NFYB: variants seen among roughly 807,000 people sequenced by gnomAD.
NFYB encodes the protein CAAT box DNA-binding protein subunit B.
In NFYB, 13 loss-of-function variants were observed where a neutral mutation model predicts 28.0. That is an observed-to-expected ratio of 0.46 (90% CI 0.30 to 0.74). The LOEUF is 0.74. NFYB is among the 30% of genes least tolerant of loss of function. NFYB has a pLI of 0.07. For synonymous variants in NFYB, 74 were observed against 75.0 expected, an observed-to-expected ratio of 0.99 and a Z score of 0.07; for missense variants, 142 against 247.6, an observed-to-expected ratio of 0.57 and a Z score of 2.86.
intron 1 of NFYB, chr12:104,137,672 G>A (rs2031159781): frequency 6.7e-6 from 1 of 149,430 alleles, no homozygotes; most frequent in African/African-American, 2.4e-5. Flanking sequence ...CCACAGCCCC[G>A]CGGGCGGGAG....
rs2030815157 is a variant in NFYB, at chr12:104,128,696, T to A, written c.7-179A>T. 3 of 322,724 alleles carry A rather than the reference T, an allele frequency of 9.3e-6. No individual in the cohort carries two copies. In the South Asian group the frequency reaches 1.1e-4, roughly 12 times the overall value. 20.0% of individuals were successfully genotyped at this position (322,724 alleles called of 1,614,324 possible). ...TTAATTATTTTTTTGAGACAGGGTC[T>A]TACTCTGTGGCCCAGGCTGGAGTGC... On this transcript the variant is annotated intron_variant, in intron 2 of 7. Transcript: ENST00000240055.
Position 104,126,206 on chromosome 12 carries a change from C to T in NFYB, c.139G>A (p.Gly47Ser). ...DSMNDHEDTN[G>S]SKESFREQDI... ...TGTTCTCTGAAACTTTCTTTTGAAC[C>T]ATTTGTGTCTTCATGATCATTCATG... The change falls in exon 4 of 8, where the codon GGT (glycine) becomes AGT (serine). Residue 47 changes from glycine to serine, a missense_variant. Physicochemically the swap from Gly to Ser is moderately conservative, Grantham distance 56. Coordinates refer to ENST00000240055, the MANE Select transcript of NFYB (RefSeq NM_006166.4). The T allele has an allele frequency of 6.2e-7, 1 of 1,603,810 alleles. No individual in the cohort carries two copies. The highest frequency in any genetic ancestry group is 8.5e-7 in the Non-Finnish European group (1 of 1,175,516).
In NFYB at chr12:104,138,183, T is replaced by G. The variant is rs1354826243; in HGVS notation, c.-122A>C. 2 of 148,546 alleles carry G rather than the reference T, an allele frequency of 1.3e-5. No homozygotes were observed. The highest frequency in any genetic ancestry group is 4.9e-5 in the African/African-American group (2 of 41,180). The allele number at this position is 148,546 out of a possible 1,614,324, so 9.2% of individuals were successfully genotyped here. A position where few individuals can be genotyped will look rare whatever the true frequency, so the allele number is the denominator to read the frequency against. ...TTGGCTCCCGTCTCCAATCGGCTGT[T>G]TGGTTGGACAGAAAATGGCTGCGAA... On this transcript the variant is annotated 5_prime_UTR_variant, in exon 1 of 8. Coordinates refer to ENST00000240055, the MANE Select transcript of NFYB (RefSeq NM_006166.4).
intron 3 of NFYB, among the ~76,000 whole-genome samples, chr12:104,127,663 CTTTTTTTTTTTT>C (rs71069719): frequency 1.1e-5 from 1 of 92,880 alleles, no homozygotes; most frequent in Non-Finnish European, 2.0e-5. Flanking sequence ...ATAACACTGC[CTTTTTTTTTTTT>C]TTTTTTTTTG....
At chr12:104,131,622 A>G in intron 2 of NFYB, 2 of 391,476 alleles carry the variant, frequency 5.1e-6, no homozygotes, top group East Asian at 7.2e-5. Context: ...AGAATGATGG[A>G]AAAAAACTTG....
rs1593626845 is a variant in NFYB, at chr12:104,123,102, G to C, written c.429+124C>G. The C allele has an allele frequency of 4.3e-6, 3 of 691,856 alleles. No individual in the cohort carries two copies. The East Asian group carries it at 8.3e-5, about 19-fold the overall frequency. 42.9% of individuals were successfully genotyped at this position (691,856 alleles called of 1,614,324 possible). ...GAGGCAGGAGAGTTGCTTGAACCCA[G>C]GAGGCAGAGGTTGCAGTGAGCCGAG... On this transcript the variant is annotated intron_variant, in intron 5 of 7. Coordinates refer to ENST00000240055, the MANE Select transcript of NFYB (RefSeq NM_006166.4).
intron 1 of NFYB, 90 bp downstream of exon 1, chr12:104,138,051 C>A (rs2031191095): frequency 6.9e-6 from 1 of 145,052 alleles, no homozygotes; most frequent in Admixed American, 6.9e-5. Context: ...GCGTTGGCGG[C>A]GGGGACGGCG....
At chr12:104,132,462 CA>C (rs1386731561) in intron 2 of NFYB, among the ~76,000 whole-genome samples, 2 of 151,942 alleles carry the variant, frequency 1.3e-5, no homozygotes, top group African/African-American at 4.8e-5. Flanking sequence ...GAGGGGAGCA[CA>C]AATAGGCACA....
intron 1 of NFYB, among the ~76,000 whole-genome samples, chr12:104,137,078 T>C (rs190599220): frequency 3.7e-4 from 57 of 152,318 alleles, no homozygotes; most frequent in Admixed American, 3.7e-3. Context: ...TTCATCACTT[T>C]ATGTTGCTGA....
intron 1 of NFYB, chr12:104,137,867 G>C (rs992169791): frequency 1.4e-5 from 2 of 146,848 alleles, no homozygotes; most frequent in Non-Finnish European, 3.0e-5. Flanking sequence ...ACGGCGGCGA[G>C]GGTGAGGTGG....
intron 2 of NFYB, 147 bp from the exon 3 acceptor site, chr12:104,128,664 T>A (rs2030813963): frequency 2.2e-6 from 1 of 455,226 alleles, no homozygotes; most frequent in South Asian, 3.3e-5. Context: ...ATTTCTTTTT[T>A]AAAAAATTAA....
At chr12:104,128,829 C>T (rs182821279) in intron 2 of NFYB, among the ~76,000 whole-genome samples, 31 of 151,990 alleles carry the variant, frequency 2.0e-4, no homozygotes, top group South Asian at 4.2e-4. Flanking sequence ...CCATGCCTGG[C>T]CAATTTTTTT....
At chr12:104,137,815 C>G (rs2031171212) in intron 1 of NFYB, 1 of 147,450 alleles carries the variant, frequency 6.8e-6, no homozygotes, top group Non-Finnish European at 1.5e-5. Context: ...GGGGCCCCGA[C>G]GCAGCCCCGC....
rs917033508 is a variant in NFYB at position 104,118,348 on chromosome 12, G to A, written c.*1389C>T. 7 of 152,594 alleles carry A rather than the reference G, an allele frequency of 4.6e-5. No homozygotes were observed. The highest frequency in any genetic ancestry group is 4.6e-4 in the Admixed American group (7 of 15,282). The allele number at this position is 152,594 out of a possible 1,614,324, so 9.5% of individuals were successfully genotyped here. A position where few individuals can be genotyped will look rare whatever the true frequency, so the allele number is the denominator to read the frequency against. ...TTTTAAATGGAGAGTAGGAGATGAG[G>A]ACATTATTAACCTCTGATTAGCCCA... On this transcript the variant is annotated 3_prime_UTR_variant, in exon 8 of 8. Transcript: ENST00000240055.
At chr12:104,130,013 G>T (rs994409928) in intron 2 of NFYB, among the ~76,000 whole-genome samples, 2 of 152,134 alleles carry the variant, frequency 1.3e-5, no homozygotes, top group African/African-American at 4.8e-5. Flanking sequence ...ATTCCAAGAG[G>T]GAAAGTCTGG....
At chr12:104,132,958 C>T (rs892025957) in intron 2 of NFYB, among the ~76,000 whole-genome samples, 7 of 152,130 alleles carry the variant, frequency 4.6e-5, no homozygotes, top group African/African-American at 1.7e-4. Flanking sequence ...GTGGTTAAAT[C>T]CCAATAAATT....
intron 2 of NFYB, 49 bp from the exon 3 acceptor site, chr12:104,128,566 C>T (rs377754621): frequency 9.3e-5 from 121 of 1,298,256 alleles, no homozygotes; most frequent in African/African-American, 3.5e-4. Flanking sequence ...TACTAACAAA[C>T]GTAACAGATT....
chr12:104,126,109 G>A lies in NFYB; in HGVS notation c.231+5C>T, dbSNP rs776141449. ...AAACCTAGTTAAATTTCTCCTCTAC[G>A]TTACCTTTCCCGTTTGAGGTATGGC... On this transcript the variant is annotated splice_donor_5th_base_variant and intron_variant, in intron 4 of 7. Transcript: ENST00000240055. 10 of 1,575,754 alleles carry A rather than the reference G, an allele frequency of 6.3e-6. No homozygotes were observed. The highest frequency in any genetic ancestry group is 2.8e-5 in the African/African-American group (2 of 72,658).
intron 6 of NFYB, among the ~76,000 whole-genome samples, 195 bp from the exon 7 acceptor site, chr12:104,120,674 T>G (rs1444812156): frequency 6.6e-6 from 1 of 152,196 alleles, no homozygotes; most frequent in Non-Finnish European, 1.5e-5. Context: ...TTATATTGCG[T>G]TTTTCAATTT....
Sources: allele counts gnomAD v4.1 joint callset (sites outside exome capture counted in the v4.1 genomes callset), GRCh38; gene constraint gnomAD v4.1.1; transcripts MANE v1.5; gene names NCBI Gene and HGNC (gene_info 2026-07-23, HGNC 2026-07-21).